The following POU6F1 variants were observed in gnomAD, a reference collection of about 807,000 sequenced individuals.
POU6F1 encodes the protein POU domain, class 6, transcription factor 1.
Under a neutral mutation model 28.9 loss-of-function variants are expected in POU6F1, and 9 were observed. The observed-to-expected ratio is 0.31, with a 90% confidence interval of 0.19 to 0.54. POU6F1 has a LOEUF of 0.54. Among genes scored for constraint, POU6F1 ranks in the 20% least tolerant of loss-of-function variants. The pLI is 0.94. For missense variants in POU6F1, 338 were observed against 426.1 expected, an observed-to-expected ratio of 0.79 and a Z score of 1.82; for synonymous variants, 173 against 171.1, an observed-to-expected ratio of 1.01 and a Z score of -0.09.
intron 3 of POU6F1, among the ~76,000 whole-genome samples, chr12:51,200,456 G>A (rs1943134983): frequency 6.6e-6 from 1 of 152,136 alleles, no homozygotes; most frequent in Admixed American, 6.5e-5. Flanking sequence ...TATTCCCGGA[G>A]GTCTAAAGTC....
chr12:51,203,111 C>T (rs1943336544), intron 3 of POU6F1, among the ~76,000 whole-genome samples: 1 of 152,078 alleles, frequency 6.6e-6, no homozygotes, highest in African/African-American at 2.4e-5. Context: ...GGCTTAGACA[C>T]ACAAACCCCT....
At position 51,204,130 on chromosome 12, in the gene POU6F1, C is replaced by T. The variant is rs146579586; in HGVS notation, c.244+43G>A. On this transcript the variant is annotated intron_variant, in intron 3 of 10. Coordinates refer to ENST00000333640, the MANE Select transcript of POU6F1 (RefSeq NM_001330422.2). Reference sequence around the variant, plus strand: ...CCCAGGGACCACAGGAGGGACTTGGCACTCAGGTGGAGCAGTACCAGGTGG... The same window carrying T: ...CCCAGGGACCACAGGAGGGACTTGGTACTCAGGTGGAGCAGTACCAGGTGG... The T allele has an allele frequency of 9.8e-4, 390 of 399,002 alleles. 4 individuals are homozygous for T. The East Asian group carries it at 0.013, about 13-fold the overall frequency. The allele number at this position is 399,002 out of a possible 1,614,324, so 24.7% of individuals were successfully genotyped here. A position where few individuals can be genotyped will look rare whatever the true frequency, so the allele number is the denominator to read the frequency against.
At position 51,206,945 on chromosome 12, in the gene POU6F1, C is replaced by T. The variant is rs750853696; in HGVS notation, c.-47-62G>A. On this transcript the variant is annotated intron_variant, in intron 1 of 10. Coordinates refer to ENST00000333640, the MANE Select transcript of POU6F1 (RefSeq NM_001330422.2). ...TGACACAGTAATACAATTTCTATACCATCTAGAAAAGTCAGAATAGAATCA... is the reference window on the plus strand; with the variant it reads ...TGACACAGTAATACAATTTCTATACTATCTAGAAAAGTCAGAATAGAATCA... 1.0e-5 allele frequency: 4 copies of T among 396,582 alleles called. No individual in the cohort carries two copies. In the Admixed American group the frequency reaches 1.8e-4, roughly 18 times the overall value. The allele number at this position is 396,582 out of a possible 1,614,324, so 24.6% of individuals were successfully genotyped here. A position where few individuals can be genotyped will look rare whatever the true frequency, so the allele number is the denominator to read the frequency against.
chr12:51,196,654 C>T (rs997068251), intron 7 of POU6F1, 145 bp downstream of exon 7: 8 of 982,800 alleles, frequency 8.1e-6, no homozygotes, highest in East Asian at 2.6e-5. Flanking sequence ...GCTTCAGCAT[C>T]GGCAGAAAGC....
intron 3 of POU6F1, among the ~76,000 whole-genome samples, chr12:51,203,095 G>A (rs1176389135): frequency 6.6e-6 from 1 of 152,090 alleles, no homozygotes; most frequent in Non-Finnish European, 1.5e-5. Context: ...GGAGGCGTTT[G>A]TGAAAGGCTT....
rs1273177573 is a variant in POU6F1 at position 51,199,993 on chromosome 12, T to A, written c.245-125A>T. ...GGGGACCCTCAGCCCCATGCTGCAT[T>A]GCTACATAGCCCAAGACCAATTGTT... On this transcript the variant is annotated intron_variant, in intron 3 of 10. Coordinates refer to ENST00000333640, the MANE Select transcript of POU6F1 (RefSeq NM_001330422.2). This position sits in a 1 kb window ranked among gnomAD's most constrained non-coding sequence, Gnocchi z 4.1. The A allele has an allele frequency of 2.5e-6, 1 of 398,228 alleles. No homozygotes were observed. Among genetic ancestry groups the A allele is most frequent in the Non-Finnish European group, 4.4e-6 (1 of 225,906 alleles). 24.7% of individuals were successfully genotyped at this position (398,228 alleles called of 1,614,324 possible). A position where few individuals can be genotyped will look rare whatever the true frequency, so the allele number is the denominator to read the frequency against.
intron 3 of POU6F1, among the ~76,000 whole-genome samples, chr12:51,200,560 T>C (rs1338239203): frequency 1.3e-5 from 2 of 152,214 alleles, no homozygotes; most frequent in Admixed American, 1.3e-4. Flanking sequence ...CGTACTGGGG[T>C]ACCCCACCAG....
intron 5 of POU6F1, 95 bp downstream of exon 5, chr12:51,198,455 G>A: frequency 2.5e-6 from 1 of 398,658 alleles, no homozygotes; most frequent in Non-Finnish European, 4.4e-6. Context: ...GCCCTGGGTG[G>A]GCCGTGGGTT....
chr12:51,209,395 TTG>T (rs1157505181), intron 1 of POU6F1, among the ~76,000 whole-genome samples: 3 of 152,254 alleles, frequency 2.0e-5, no homozygotes, highest in Non-Finnish European at 2.9e-5. Flanking sequence ...ATATGTCGCT[TTG>T]TGTGTCTAGC....
At chr12:51,216,451 C>T (rs975733517) in intron 1 of POU6F1, among the ~76,000 whole-genome samples, 13 of 152,096 alleles carry the variant, frequency 8.5e-5, no homozygotes, top group Admixed American at 6.6e-5. Flanking sequence ...TTGTCCACCC[C>T]CAGAATAAAA....
intron 7 of POU6F1, 134 bp from the exon 8 acceptor site, chr12:51,196,307 T>G: frequency 1.4e-6 from 1 of 717,580 alleles, no homozygotes; most frequent in Non-Finnish European, 2.2e-6. Flanking sequence ...AGCTTCTGCA[T>G]GAGTAAAATG....
Position 51,192,445 on chromosome 12 carries a change from G to T in POU6F1, c.1206C>A (p.Thr402=). ...SEVQPIQPTP[T]VPQPAVVIAS... The stretch of plus-strand genomic sequence containing the variant: ...CAATGACCACAGCAGGCTGGGGCAC[G>T]GTTGGTGTGGGCTGGATGGGCTGCA... The change falls in exon 9 of 11, where the codon ACC becomes ACA. Residue 402 remains threonine, a synonymous_variant. Coordinates refer to ENST00000333640, the MANE Select transcript of POU6F1 (RefSeq NM_001330422.2). 1.2e-6 allele frequency: 2 copies of T among 1,613,622 alleles called. No homozygotes were observed. The highest frequency in any genetic ancestry group is 1.7e-6 in the Non-Finnish European group (2 of 1,180,024).
intron 5 of POU6F1, 138 bp downstream of exon 5, chr12:51,198,412 C>T (rs1341155934): frequency 1.3e-5 from 5 of 397,908 alleles, no homozygotes; most frequent in Non-Finnish European, 8.8e-6. Context: ...CGGCCGGATG[C>T]CCAAGACACC....
Position 51,189,342 on chromosome 12 carries a change from T to G in POU6F1, c.*905A>C, listed in dbSNP as rs1008327612. On this transcript the variant is annotated 3_prime_UTR_variant, in exon 11 of 11. Coordinates refer to ENST00000333640, the MANE Select transcript of POU6F1 (RefSeq NM_001330422.2). Reference sequence around the variant, plus strand: ...GAGAAAGTCAGCATTCCTTTCCTTATTTTTCTCCAGAGTTGCCCGTTTGCT... The same window carrying G: ...GAGAAAGTCAGCATTCCTTTCCTTAGTTTTCTCCAGAGTTGCCCGTTTGCT... The G allele has an allele frequency of 7.9e-5, 12 of 152,150 alleles. No individual in the cohort carries two copies. The highest frequency in any genetic ancestry group is 2.7e-4 in the African/African-American group (11 of 41,452). The allele number at this position is 152,150 out of a possible 1,614,324, so 9.4% of individuals were successfully genotyped here.
At chr12:51,196,682 G>A (rs1942849242) in intron 7 of POU6F1, 117 bp downstream of exon 7, 2 of 1,290,724 alleles carry the variant, frequency 1.5e-6, no homozygotes, top group South Asian at 2.7e-5. Flanking sequence ...GAGGAGATAG[G>A]AACAACAGCT....
chr12:51,207,196 G>A, intron 1 of POU6F1: 1 of 159,092 alleles, frequency 6.3e-6, no homozygotes, highest in Non-Finnish European at 1.4e-5. Flanking sequence ...GCTAATTTTT[G>A]TATTTTTAGT....
In POU6F1 at chr12:51,196,181, G is replaced by T. The variant is rs753516590; in HGVS notation, c.976-8C>A. On this transcript the variant is annotated splice_region_variant and splice_polypyrimidine_tract_variant and intron_variant, in intron 7 of 10. Transcript: ENST00000333640. Reference sequence around the variant, plus strand: ...TGGAAGGGTTCCAATAACCTGGGAGGAAATAAGGCAGGGACCCCAGGTGTG... The same window carrying T: ...TGGAAGGGTTCCAATAACCTGGGAGTAAATAAGGCAGGGACCCCAGGTGTG... 18 of 1,498,304 alleles carry T rather than the reference G, an allele frequency of 1.2e-5. No homozygotes were observed. In the East Asian group the frequency reaches 4.3e-4, roughly 36 times the overall value. 92.8% of individuals were successfully genotyped at this position (1,498,304 alleles called of 1,614,324 possible). A position where few individuals can be genotyped will look rare whatever the true frequency, so the allele number is the denominator to read the frequency against.
chr12:51,199,531 T>C lies in POU6F1; in HGVS notation c.366+216A>G, dbSNP rs1448068168. Among the ~76,000 whole-genome samples, 1 of 152,198 alleles carries C rather than the reference T, an allele frequency of 6.6e-6. No homozygotes were observed. Among genetic ancestry groups the C allele is most frequent in the Non-Finnish European group, 1.5e-5 (1 of 68,040 alleles). On this transcript the variant is annotated intron_variant, in intron 4 of 10. Transcript: ENST00000333640. The surrounding 1 kb of genome is among the most constrained non-coding windows in gnomAD (Gnocchi z 4.1). ...TGCAATCCTGGCAGGCCCAAGGAGA[T>C]GATTCTGCAAATGTAGATCCCCTTT...
chr12:51,188,243 T>C lies in POU6F1; in HGVS notation c.*2004A>G, dbSNP rs1347031201. On this transcript the variant is annotated 3_prime_UTR_variant, in exon 11 of 11. Transcript: ENST00000333640. ...GTGCCTGGCCTAATTTACTGAAGTG[T>C]CAGTCACTGAATCCTTTACAAGCTC... 1.3e-5 allele frequency: 2 copies of C among 152,202 alleles called. No homozygotes were observed. Among genetic ancestry groups the C allele is most frequent in the African/African-American group, 2.4e-5 (1 of 41,458 alleles). 9.4% of individuals were successfully genotyped at this position (152,202 alleles called of 1,614,324 possible).
Sources: gnomAD v4.1 joint callset for allele counts (sites outside exome capture counted in the v4.1 genomes callset) on GRCh38, gnomAD v4.1.1 for gene constraint, Gnocchi (gnomAD v3.1) non-coding constraint, MANE v1.5 for transcripts, NCBI Gene and HGNC (gene_info 2026-07-23, HGNC 2026-07-21) for gene names.